Variants in USP32 observed in about 807,000 individuals in gnomAD.
USP32 encodes the protein ubiquitin specific peptidase 32.
USP32 carries 59 observed loss-of-function variants against 204.8 expected under a neutral mutation model. The ratio of observed to expected loss-of-function variants is 0.29; its 90% confidence interval spans 0.23 to 0.36. The LOEUF is 0.36. Among genes scored for constraint, USP32 ranks in the 10% least tolerant of loss-of-function variants. The pLI is 1.00. For synonymous variants in USP32, 517 were observed against 678.4 expected, an observed-to-expected ratio of 0.76 and a Z score of 3.70; for missense variants, 1,160 against 1,946.4, an observed-to-expected ratio of 0.60 and a Z score of 7.60.
At position 60,368,102 on chromosome 17, in the gene USP32, C is replaced by T. The variant is rs565249604; in HGVS notation, c.59-22494G>A. Among the ~76,000 whole-genome samples, 8 of 152,264 alleles carry T rather than the reference C, an allele frequency of 5.3e-5. No individual in the cohort carries two copies. The East Asian group carries it at 1.5e-3, about 29-fold the overall frequency. On this transcript the variant is annotated intron_variant, in intron 1 of 33. Coordinates refer to ENST00000300896, the MANE Select transcript of USP32 (RefSeq NM_032582.4). Reference sequence around the variant, plus strand: ...AATTCCCCACAGACACCAAGGGACTCCTGTCCTTCAAAGAGCCATATAAGC... The same window carrying T: ...AATTCCCCACAGACACCAAGGGACTTCTGTCCTTCAAAGAGCCATATAAGC...
chr17:60,200,024 T>C (rs553834147), intron 26 of USP32, among the ~76,000 whole-genome samples: 2 of 151,950 alleles, frequency 1.3e-5, no homozygotes, highest in Non-Finnish European at 2.9e-5. Flanking sequence ...TGAAACCCTG[T>C]CTCTACTAAA....
chr17:60,229,093 T>A (rs912874005), intron 12 of USP32, among the ~76,000 whole-genome samples: 6 of 152,210 alleles, frequency 3.9e-5, no homozygotes, highest in African/African-American at 1.2e-4. Flanking sequence ...GCTCTTTTTT[T>A]AATACAGGGT....
chr17:60,371,084 A>T (rs1318676154), intron 1 of USP32, among the ~76,000 whole-genome samples: 1 of 151,406 alleles, frequency 6.6e-6, no homozygotes, highest in East Asian at 1.9e-4. Flanking sequence ...TAAAAATAAT[A>T]AATTAATTAA....
chr17:60,207,738 T>A (rs1455732971), intron 24 of USP32: 1 of 212,826 alleles, frequency 4.7e-6, no homozygotes, highest in East Asian at 1.1e-4. Flanking sequence ...TTGTCAAGGG[T>A]AATAGCAGCA....
rs747463249 is a variant in USP32 at position 60,345,623 on chromosome 17, CAGA to C, written c.59-18_59-16del. The C allele has an allele frequency of 6.2e-7, 1 of 1,613,734 alleles. No individual in the cohort carries two copies. The highest frequency in any genetic ancestry group is 8.5e-7 in the Non-Finnish European group (1 of 1,179,808). On this transcript the variant is annotated splice_polypyrimidine_tract_variant and intron_variant, in intron 1 of 33. Coordinates refer to ENST00000300896, the MANE Select transcript of USP32 (RefSeq NM_032582.4). ...TACATCTGTAACTGCAATTCAGAAA[CAGA>C]AGATGGGTAAGAAATCAGGAGAGAA...
At chr17:60,374,205 A>G (rs1407810384) in intron 1 of USP32, among the ~76,000 whole-genome samples, 1 of 151,920 alleles carries the variant, frequency 6.6e-6, no homozygotes, top group African/African-American at 2.4e-5. Context: ...GAAAAAAGAC[A>G]TAAACACACA....
At position 60,205,643 on chromosome 17, in the gene USP32, G is replaced by T. The variant is rs1274437605; in HGVS notation, c.3053C>A (p.Pro1018Gln). 1.7e-5 allele frequency: 28 copies of T among 1,613,802 alleles called. No homozygotes were observed. The highest frequency in any genetic ancestry group is 3.3e-5 in the South Asian group (3 of 91,068). The change falls in exon 26 of 34, where the codon CCA becomes CAA. Residue 1018 changes from proline (P) to glutamine (Q), a missense_variant. Transcript: ENST00000300896. ...TAGGGTGAACATTTCATTTGTAGAT[G>T]GCGAAGAGGAGAAATCTACAAATTC... Reference protein sequence around the residue: ...SPTQTDFSSSPSTNEMFTLTT... With the variant: ...SPTQTDFSSSQSTNEMFTLTT...
At chr17:60,350,596 G>A (rs960726348) in intron 1 of USP32, among the ~76,000 whole-genome samples, 1 of 152,008 alleles carries the variant, frequency 6.6e-6, no homozygotes. Context: ...GCCCAGGTGT[G>A]GTAAATTTTT....
chr17:60,285,195 CAT>C (rs1567827236), intron 5 of USP32, among the ~76,000 whole-genome samples: 1 of 152,090 alleles, frequency 6.6e-6, no homozygotes, highest in Non-Finnish European at 1.5e-5. Context: ...ACAGAATATC[CAT>C]ATGAGTAACA....
chr17:60,258,686 C>A (rs760344082), intron 9 of USP32, among the ~76,000 whole-genome samples: 26 of 152,178 alleles, frequency 1.7e-4, no homozygotes, highest in Non-Finnish European at 3.4e-4. Flanking sequence ...CAAGAGAACA[C>A]TTCGCTGTTT....
intron 2 of USP32, among the ~76,000 whole-genome samples, chr17:60,325,753 C>A (rs1177933687): frequency 1.3e-5 from 2 of 151,732 alleles, no homozygotes; most frequent in Non-Finnish European, 1.5e-5. Context: ...ACAGCAAAAC[C>A]CTGTCTCTAC....
At chr17:60,215,170 C>T (rs1299315664) in intron 16 of USP32, among the ~76,000 whole-genome samples, 2 of 152,090 alleles carry the variant, frequency 1.3e-5, no homozygotes. Flanking sequence ...AGGGTCTTGG[C>T]CATATTGCCC....
At chr17:60,388,289 T>TACACACACACACACAC (rs35068599) in intron 1 of USP32, among the ~76,000 whole-genome samples, 3,539 of 141,916 alleles carry the variant, frequency 0.025, 122 homozygotes, top group African/African-American at 0.066. Context: ...AGCCGATTCT[T>TACACACACACACACAC]ACACACACAC....
At chr17:60,325,581 C>T (rs1392689591) in intron 2 of USP32, among the ~76,000 whole-genome samples, 2 of 151,934 alleles carry the variant, frequency 1.3e-5, no homozygotes, top group South Asian at 2.1e-4. Context: ...AAGTTAAATA[C>T]GTATCTCTTC....
At chr17:60,222,862 A>G (rs1018281957) in intron 14 of USP32, among the ~76,000 whole-genome samples, 10 of 151,712 alleles carry the variant, frequency 6.6e-5, no homozygotes, top group African/African-American at 2.4e-4. Flanking sequence ...TTGTATTTTT[A>G]GTAGAGACGG....
chr17:60,201,048 G>A (rs1052466561), intron 26 of USP32, among the ~76,000 whole-genome samples: 5 of 152,034 alleles, frequency 3.3e-5, no homozygotes, highest in Non-Finnish European at 5.9e-5. Context: ...TGTAGAGATG[G>A]GGTTTCACCA....
chr17:60,260,462 G>A (rs1023185831), intron 9 of USP32, among the ~76,000 whole-genome samples: 1 of 151,192 alleles, frequency 6.6e-6, no homozygotes, highest in Admixed American at 6.6e-5. Context: ...GGCGGAGGTT[G>A]AAGTGAGCCA....
intron 26 of USP32, 107 bp from the exon 27 acceptor site, chr17:60,198,551 T>C (rs2084587604): frequency 7.7e-7 from 1 of 1,299,162 alleles, no homozygotes; most frequent in Non-Finnish European, 1.1e-6. Context: ...CCATTTCAAA[T>C]CAGTCACTAT....
rs1394718987 is a variant in USP32 at position 60,185,645 on chromosome 17, C to T, written c.3649G>A (p.Asp1217Asn). ...CTCTGCTCCACACTCTCATGCTCAT[C>T]TACAACCTGCAGGTAGAGGGAACAG... Reference protein sequence around the residue: ...RYQTSQERVVDEHESVEQSRR... With the variant: ...RYQTSQERVVNEHESVEQSRR... The change falls in exon 30 of 34, where the codon GAT (aspartate) becomes AAT (asparagine). Residue 1217 changes from aspartate to asparagine, a missense_variant. By Grantham distance (23) the Asp-to-Asn change is conservative. Coordinates refer to ENST00000300896, the MANE Select transcript of USP32 (RefSeq NM_032582.4). 1 of 1,609,300 alleles carries T rather than the reference C, an allele frequency of 6.2e-7. No individual in the cohort carries two copies. Among genetic ancestry groups the T allele is most frequent in the Non-Finnish European group, 8.5e-7 (1 of 1,177,632 alleles).
Sources: allele counts gnomAD v4.1 joint callset (sites outside exome capture counted in the v4.1 genomes callset), GRCh38; gene constraint gnomAD v4.1.1; transcripts MANE v1.5; gene names NCBI Gene and HGNC (gene_info 2026-07-23, HGNC 2026-07-21).